Variants in KIF12 observed in about 807,000 individuals in gnomAD.
The protein encoded by KIF12 is kinesin-like protein KIF12.
In KIF12, 80 loss-of-function variants were observed where a neutral mutation model predicts 87.9. The ratio of observed to expected loss-of-function variants is 0.91; its 90% CI spans 0.76 to 1.10. KIF12 has a LOEUF of 1.10. KIF12 is among the 50% of genes least tolerant of loss of function. The pLI is 0.00. For synonymous variants in KIF12, 353 were observed against 348.5 expected (o/e 1.01, Z -0.14); for missense variants, 819 against 865.3 (o/e 0.95, Z 0.67).
At chr9:114,098,051 G>A in intron 5 of KIF12, 64 bp downstream of exon 5, 1 of 1,452,526 alleles carries the variant, frequency 6.9e-7, no homozygotes, top group East Asian at 2.5e-5. Flanking sequence ...CGCCGCCTGC[G>A]GCTCCCCAGG....
At position 114,095,052 on chromosome 9, in the gene KIF12, G is replaced by A. The variant is rs375487574; in HGVS notation, c.1090C>T (p.Arg364Trp). ...GGGGCCTGTGGTCGGGTGGTGACCC[G>A]CTGAGCTCGGCTTGCATATCGCAGG... ...STLRYASRAQRVTTRPQAPKS... is the reference protein window; with the variant it reads ...STLRYASRAQWVTTRPQAPKS... The change falls in exon 11 of 19, where the codon CGG becomes TGG. Residue 364 changes from arginine to tryptophan, a missense_variant. Coordinates refer to ENST00000640217, the MANE Select transcript of KIF12 (RefSeq NM_001388308.1). 94 of 1,606,772 alleles carry A rather than the reference G, an allele frequency of 5.9e-5. No individual in the cohort carries two copies. The highest frequency in any genetic ancestry group is 7.6e-5 in the Non-Finnish European group (89 of 1,176,584).
rs1564386316 is a variant in KIF12, at chr9:114,099,007, A to T, written c.99T>A (p.Arg33=). Residue 33 remains arginine, a synonymous_variant, in exon 3 of 19, where the codon CGT becomes CGA. Transcript: ENST00000640217. ...ETPIQVVLRV[R]PMSAAELRRG... is the part of the protein sequence containing the mutation. ...GACGCAGCTCGGCCGCGCTCATGGG[A>T]CGTACCCTGGGGTCCGACAGAAGGG... 2.6e-6 allele frequency: 4 copies of T among 1,550,034 alleles called. No homozygotes were observed. Among genetic ancestry groups the T allele is most frequent in the Admixed American group, 3.9e-5 (2 of 50,972 alleles).
chr9:114,096,604 T>C, intron 7 of KIF12, 126 bp from the exon 8 acceptor site: 1 of 775,582 alleles, frequency 1.3e-6, no homozygotes, highest in Non-Finnish European at 2.2e-6. Flanking sequence ...GGCAACAGAG[T>C]GGGTGTTGTT....
In KIF12 at chr9:114,092,661, T is replaced by A. The variant is rs748121328; in HGVS notation, c.1597-19A>T. On this transcript the variant is annotated intron_variant, in intron 16 of 18. Coordinates refer to ENST00000640217, the MANE Select transcript of KIF12 (RefSeq NM_001388308.1). ...CCAACACCTGTAGGAAAGACCAGAG[T>A]CCACTCTGGGTGACCTCAGTCCTGC... 1 of 1,565,536 alleles carries A rather than the reference T, an allele frequency of 6.4e-7. No individual in the cohort carries two copies. The highest frequency in any genetic ancestry group is 1.2e-5 in the South Asian group (1 of 85,952).
chr9:114,094,130 A>C (rs763792483), intron 13 of KIF12, 51 bp downstream of exon 13: 7 of 1,560,378 alleles, frequency 4.5e-6, no homozygotes, highest in Non-Finnish European at 6.2e-6. Context: ...GAAGCAGCCT[A>C]GCAGTGATGG....
chr9:114,094,931 A>G (rs1847151049), intron 11 of KIF12, 92 bp downstream of exon 11: 1 of 1,161,592 alleles, frequency 8.6e-7, no homozygotes, highest in Non-Finnish European at 1.2e-6. Context: ...GACCCAGTCC[A>G]AGACTTCAAT....
chr9:114,098,983 A>T lies in KIF12; in HGVS notation c.123T>A (p.Arg41=). The T allele has an allele frequency of 1.9e-6, 3 of 1,550,220 alleles. No individual in the cohort carries two copies. The African/African-American group carries it at 4.1e-5, about 21-fold the overall frequency. Residue 41 remains arginine, a synonymous_variant, in exon 3 of 19, where the codon CGT becomes CGA. Transcript: ENST00000640217. Reference sequence around the variant, plus strand: ...AGTGCAGCACGCTCTGCTGCCCTCGACGCAGCTCGGCCGCGCTCATGGGAC... The same window carrying T: ...AGTGCAGCACGCTCTGCTGCCCTCGTCGCAGCTCGGCCGCGCTCATGGGAC... ...RVRPMSAAEL[R]RGQQSVLHCS...
At chr9:114,092,822 C>A in intron 16 of KIF12, 180 bp from the exon 17 acceptor site, 1 of 1,444,644 alleles carries the variant, frequency 6.9e-7, no homozygotes, top group Non-Finnish European at 9.0e-7. Context: ...GTTCTTCTAC[C>A]GTCCTCTCCT....
At chr9:114,095,178 A>G in intron 10 of KIF12, 36 bp downstream of exon 10, 7 of 1,611,724 alleles carry the variant, frequency 4.3e-6, no homozygotes, top group Non-Finnish European at 5.9e-6. Context: ...CCCTTCCTCA[A>G]GACCCAACCT....
chr9:114,097,717 TG>T lies in KIF12; in HGVS notation c.399del (p.Ser134AlafsTer42). On this transcript the variant is annotated frameshift_variant, in exon 6 of 19. Transcript: ENST00000640217. LOFTEE classifies it high-confidence loss of function. ...GTCCTCTGCATGATGCCAGCCAGGC[TG>T]GGGGGTACAGGCACCCCCTCCCCCT... ...PPQGEGVPVPPSLAGIMQRTF... is the reference protein window; with the variant it reads ...PPQGEGVPVPXSLAGIMQRTF... 1 of 1,614,012 alleles carries T rather than the reference TG, an allele frequency of 6.2e-7. No homozygotes were observed. Among genetic ancestry groups the T allele is most frequent in the Non-Finnish European group, 8.5e-7 (1 of 1,179,984 alleles).
chr9:114,092,392 A>T lies in KIF12; in HGVS notation c.1757T>A (p.Val586Glu). The change falls in exon 18 of 19, where the codon GTG (valine) becomes GAG (glutamate). Residue 586 changes from valine to glutamate, a missense_variant. By Grantham distance (121) the Val-to-Glu change is moderately radical. Coordinates refer to ENST00000640217, the MANE Select transcript of KIF12 (RefSeq NM_001388308.1). ...AGGCAGGGGAGGTGCAGAAGGTACC[A>T]CCTCCTCCTCCGTCAACATCTCTGC... ...VLAEMLTEEE[V>E]VPSAPPLPVR... 1 of 1,611,894 alleles carries T rather than the reference A, an allele frequency of 6.2e-7. No homozygotes were observed. Among genetic ancestry groups the T allele is most frequent in the South Asian group, 1.1e-5 (1 of 90,846 alleles).
rs1208072629 is a variant in KIF12 at position 114,093,515 on chromosome 9, G to T, written c.1401-18C>A. 1.3e-6 allele frequency: 2 copies of T among 1,539,024 alleles called. No homozygotes were observed. The highest frequency in any genetic ancestry group is 1.8e-6 in the Non-Finnish European group (2 of 1,135,768). On this transcript the variant is annotated intron_variant, in intron 14 of 18. Transcript: ENST00000640217. ...GGAGACGCCTAGAAAGAACAGCAGG[G>T]TCTATGCCTGCAGCCTCCAACCCTA...
At chr9:114,093,813 G>GT in intron 14 of KIF12, 73 bp downstream of exon 14, 6 of 1,320,060 alleles carry the variant, frequency 4.5e-6, no homozygotes, top group Non-Finnish European at 6.5e-6. Context: ...GCCTCAAGCA[G>GT]TTCATTAAGC....
chr9:114,092,114 T>TGC (rs1847021172), intron 18 of KIF12, 114 bp from the exon 19 acceptor site: 292 of 1,388,600 alleles, frequency 2.1e-4, no homozygotes, highest in Middle Eastern at 2.6e-4. Flanking sequence ...CCTCCACCCT[T>TGC]CCCCCCACCC....
At chr9:114,092,964 T>C in intron 16 of KIF12, 1 of 1,402,942 alleles carries the variant, frequency 7.1e-7, no homozygotes, top group Non-Finnish European at 9.3e-7. Context: ...TATGATTCAG[T>C]AAATCCATAA....
intron 11 of KIF12, among the ~76,000 whole-genome samples, 192 bp downstream of exon 11, chr9:114,094,831 C>T (rs1038951498): frequency 2.0e-5 from 3 of 152,188 alleles, no homozygotes; most frequent in Non-Finnish European, 4.4e-5. Flanking sequence ...TAGACCTGCC[C>T]TAAACCTGGC....
Position 114,091,995 on chromosome 9 carries a change from C to A in KIF12, c.1822G>T (p.Ala608Ser). Residue 608 changes from alanine (A) to serine (S), a missense_variant, in exon 19 of 19, where the codon GCC becomes TCC. Physicochemically the swap from Ala to Ser is moderately conservative, Grantham distance 99. Transcript: ENST00000640217. ...PKTSPGLRGG[A>S]GVPNLAQRLE... Reference sequence around the variant, plus strand: ...CTCTGGGCCAGGTTTGGAACCCCGGCCCCACCTAAGGAGCAGTGAGACTCG... The same window carrying A: ...CTCTGGGCCAGGTTTGGAACCCCGGACCCACCTAAGGAGCAGTGAGACTCG... The A allele has an allele frequency of 6.2e-7, 1 of 1,611,138 alleles. No homozygotes were observed. The highest frequency in any genetic ancestry group is 8.5e-7 in the Non-Finnish European group (1 of 1,179,252).
intron 5 of KIF12, 149 bp from the exon 6 acceptor site, chr9:114,097,890 C>T: frequency 2.8e-6 from 3 of 1,073,394 alleles, no homozygotes; most frequent in Non-Finnish European, 4.0e-6. Context: ...TTCCATTTTA[C>T]AGATGAGAAA....
chr9:114,092,159 G>C (rs1209376927), intron 18 of KIF12, 159 bp from the exon 19 acceptor site: 17 of 1,447,368 alleles, frequency 1.2e-5, no homozygotes, highest in Non-Finnish European at 1.5e-5. Flanking sequence ...ACATACATCT[G>C]GGCACGCAGA....
Sources: allele counts gnomAD v4.1 joint callset (sites outside exome capture counted in the v4.1 genomes callset), GRCh38; gene constraint gnomAD v4.1.1; transcripts MANE v1.5; gene names NCBI Gene and HGNC (gene_info 2026-07-23, HGNC 2026-07-21).